The following TMEM26 variants were observed in gnomAD, a reference collection of about 807,000 sequenced individuals.
TMEM26 encodes the protein transmembrane protein 26.
In TMEM26, 38 loss-of-function variants were observed where a neutral mutation model predicts 28.8. That is an observed-to-expected ratio of 1.32 (90% CI 1.02 to 1.73). The LOEUF is 1.73. Among genes scored for constraint, TMEM26 ranks in the 40% most tolerant of loss-of-function variants. The pLI is 0.00. For missense variants in TMEM26, 518 were observed against 447.1 expected (o/e 1.16, Z -1.43); for synonymous variants, 227 against 182.9 (o/e 1.24, Z -1.95).
At chr10:61,414,887 G>C (rs753391727) in intron 4 of TMEM26, 15 of 668,592 alleles carry the variant, frequency 2.2e-5, no homozygotes, top group Admixed American at 6.3e-5. Context: ...TTCTGAAAAA[G>C]TCTCCCATAG....
Position 61,431,211 on chromosome 10 carries a change from G to T in TMEM26, c.384+8C>A, listed in dbSNP as rs370985055. 5 of 1,606,068 alleles carry T rather than the reference G, an allele frequency of 3.1e-6. No homozygotes were observed. The highest frequency in any genetic ancestry group is 2.6e-6 in the Non-Finnish European group (3 of 1,173,122). The stretch of plus-strand genomic sequence containing the variant: ...AGATCCTTTAATAAACAGTGGAAAA[G>T]CTCTCACCGTCTCAATGAGATCATC... On this transcript the variant is annotated splice_region_variant and intron_variant, in intron 3 of 5. Coordinates refer to ENST00000399298, the MANE Select transcript of TMEM26 (RefSeq NM_178505.8).
intron 1 of TMEM26, among the ~76,000 whole-genome samples, chr10:61,446,883 GACACAGAA>G (rs58108067): frequency 0.54 from 76,193 of 141,610 alleles, 22,057 homozygotes; most frequent in African/African-American, 0.79. Context: ...AAAAGATGCT[GACACAGAA>G]ACACAGAAAC....
At chr10:61,433,076 A>G (rs1456942761) in intron 2 of TMEM26, among the ~76,000 whole-genome samples, 1 of 152,132 alleles carries the variant, frequency 6.6e-6, no homozygotes, top group East Asian at 1.9e-4. Context: ...GGCGACCTTA[A>G]TATGTTTTTG....
chr10:61,418,432 T>C (rs1839689634), intron 4 of TMEM26, among the ~76,000 whole-genome samples: 1 of 151,944 alleles, frequency 6.6e-6, no homozygotes, highest in Admixed American at 6.6e-5. Flanking sequence ...GGCTGGGAAA[T>C]TTACATTTCA....
chr10:61,414,002 T>C, intron 4 of TMEM26: 2 of 987,544 alleles, frequency 2.0e-6, no homozygotes, highest in Non-Finnish European at 2.4e-6. Context: ...GAAATAAAAT[T>C]GTCATTAGAT....
chr10:61,410,755 A>C lies in TMEM26; in HGVS notation c.683-9T>G. 1 of 1,612,266 alleles carries C rather than the reference A, an allele frequency of 6.2e-7. No homozygotes were observed. Among genetic ancestry groups the C allele is most frequent in the Non-Finnish European group, 8.5e-7 (1 of 1,178,848 alleles). Reference sequence around the variant, plus strand: ...GCACACAACGTTCTGTACTGAAAACACAAGACAGACTAGTTACTATCTCTC... The same window carrying C: ...GCACACAACGTTCTGTACTGAAAACCCAAGACAGACTAGTTACTATCTCTC... On this transcript the variant is annotated splice_polypyrimidine_tract_variant and intron_variant, in intron 5 of 5. Coordinates refer to ENST00000399298, the MANE Select transcript of TMEM26 (RefSeq NM_178505.8).
chr10:61,422,406 C>G (rs1046487514), intron 4 of TMEM26, among the ~76,000 whole-genome samples: 1 of 151,970 alleles, frequency 6.6e-6, no homozygotes, highest in Non-Finnish European at 1.5e-5. Flanking sequence ...TAATAGACCA[C>G]AAAGTAAGTC....
In TMEM26 at chr10:61,410,312, C is replaced by T; in HGVS notation, c.*10G>A. ...TCAGGTTCTAGCCGCAGACCACTGT[C>T]AATCAATAACTAAGGGGTGTGGTGG... is the stretch of plus-strand genomic sequence containing the variant. On this transcript the variant is annotated 3_prime_UTR_variant, in exon 6 of 6. Transcript: ENST00000399298. The T allele has an allele frequency of 6.3e-7, 1 of 1,597,668 alleles. No individual in the cohort carries two copies. Among genetic ancestry groups the T allele is most frequent in the Non-Finnish European group, 8.5e-7 (1 of 1,169,744 alleles).
chr10:61,447,070 G>C (rs756922123), intron 1 of TMEM26, among the ~76,000 whole-genome samples: 1 of 152,100 alleles, frequency 6.6e-6, no homozygotes, highest in South Asian at 2.1e-4. Context: ...CAGGCAACTT[G>C]GACACGAAGT....
At chr10:61,420,415 A>AT (rs1839725860) in intron 4 of TMEM26, among the ~76,000 whole-genome samples, 1 of 151,984 alleles carries the variant, frequency 6.6e-6, no homozygotes, top group South Asian at 2.1e-4. Flanking sequence ...TGTAAGTTTT[A>AT]TTTTTTAAAA....
At chr10:61,446,817 CAAAAAAAAAAAAAAAAAAAA>C (rs34030340) in intron 1 of TMEM26, among the ~76,000 whole-genome samples, 1 of 33,938 alleles carries the variant, frequency 2.9e-5, no homozygotes, top group Admixed American at 6.0e-4. Context: ...GACTCCATCT[CAAAAAAAAAAAAAAAAAAAA>C]AAAAAAAAAA....
intron 1 of TMEM26, among the ~76,000 whole-genome samples, chr10:61,446,834 A>AAAAAAAAAAAAAAAAAAAT (rs1840190409): frequency 7.0e-6 from 1 of 143,030 alleles, no homozygotes; most frequent in Non-Finnish European, 1.5e-5. Context: ...AAAAAAAAAA[A>AAAAAAAAAAAAAAAAAAAT]AAAAAAAAAA....
At chr10:61,413,895 G>T (rs755658350) in intron 4 of TMEM26, 4 of 992,038 alleles carry the variant, frequency 4.0e-6, no homozygotes, top group Non-Finnish European at 4.8e-6. Flanking sequence ...AGGAATGTCA[G>T]TGGGAGGATT....
At chr10:61,420,626 T>C (rs1839729843) in intron 4 of TMEM26, among the ~76,000 whole-genome samples, 1 of 151,774 alleles carries the variant, frequency 6.6e-6, no homozygotes, top group African/African-American at 2.4e-5. Flanking sequence ...ATGTTTTTCC[T>C]CAAATTATAT....
intron 4 of TMEM26, among the ~76,000 whole-genome samples, chr10:61,426,634 T>C (rs1295065907): frequency 6.6e-6 from 1 of 152,110 alleles, no homozygotes; most frequent in Non-Finnish European, 1.5e-5. Flanking sequence ...CCTAAATCTA[T>C]CAGCCTAAAC....
intron 4 of TMEM26, among the ~76,000 whole-genome samples, chr10:61,420,905 T>A (rs897103938): frequency 1.3e-5 from 2 of 152,064 alleles, no homozygotes; most frequent in Non-Finnish European, 2.9e-5. Flanking sequence ...TATACAGTCA[T>A]ATAGATATTT....
intron 4 of TMEM26, among the ~76,000 whole-genome samples, chr10:61,424,696 C>G (rs75906324): frequency 6.6e-6 from 1 of 152,130 alleles, no homozygotes. Context: ...ATAATCCTGA[C>G]AGTGTGGTAT....
chr10:61,422,414 G>A (rs1038425281), intron 4 of TMEM26, among the ~76,000 whole-genome samples: 6 of 152,008 alleles, frequency 3.9e-5, no homozygotes, highest in African/African-American at 1.4e-4. Context: ...CACAAAGTAA[G>A]TCTCCATAAA....
rs974418626 is a variant in TMEM26 at position 61,408,272 on chromosome 10, G to C, written c.*2050C>G. ...CTAAATAAAGCTAGACTTTGGACAG[G>C]CTTTTTATTTCTCAAGCCCACGAGG... On this transcript the variant is annotated 3_prime_UTR_variant, in exon 6 of 6. Coordinates refer to ENST00000399298, the MANE Select transcript of TMEM26 (RefSeq NM_178505.8). 9 of 152,002 alleles carry C rather than the reference G, an allele frequency of 5.9e-5. No homozygotes were observed. The highest frequency in any genetic ancestry group is 3.9e-4 in the Admixed American group (6 of 15,238). The allele number at this position is 152,002 out of a possible 1,614,324, so 9.4% of individuals were successfully genotyped here. A position where few individuals can be genotyped will look rare whatever the true frequency, so the allele number is the denominator to read the frequency against.
Sources: allele counts gnomAD v4.1 joint callset (sites outside exome capture counted in the v4.1 genomes callset), GRCh38; gene constraint gnomAD v4.1.1; transcripts MANE v1.5; gene names NCBI Gene and HGNC (gene_info 2026-07-23, HGNC 2026-07-21).